The following EEA1 variants were observed in gnomAD, a reference collection of about 807,000 sequenced individuals.
The protein encoded by EEA1 is early endosome antigen 1, 162kD.
Under a neutral mutation model 209.2 loss-of-function variants are expected in EEA1, and 111 were observed. The ratio of observed to expected loss-of-function variants is 0.53; its 90% CI spans 0.45 to 0.62. The LOEUF is 0.62. Among genes scored for constraint, EEA1 ranks in the 20% least tolerant of loss-of-function variants. The pLI, the probability that EEA1 is intolerant of heterozygous loss-of-function variation, is 0.00. For missense variants in EEA1, 1,343 were observed against 1,530.8 expected (o/e 0.88, Z 2.05); for synonymous variants, 536 against 540.6 (o/e 0.99, Z 0.12).
intron 21 of EEA1, among the ~76,000 whole-genome samples, chr12:92,789,892 G>C (rs1874318949): frequency 1.3e-5 from 2 of 152,210 alleles, no homozygotes; most frequent in Admixed American, 6.5e-5. Flanking sequence ...ACCTCATATA[G>C]GCAGCTGCCC....
At chr12:92,891,968 A>T (rs1230074292) in intron 1 of EEA1, among the ~76,000 whole-genome samples, 2 of 152,192 alleles carry the variant, frequency 1.3e-5, no homozygotes, top group African/African-American at 4.8e-5. Context: ...TCTTCAAGTC[A>T]CCTTCACAAA....
chr12:92,866,026 G>A (rs1281728613), intron 2 of EEA1, among the ~76,000 whole-genome samples: 1 of 151,618 alleles, frequency 6.6e-6, no homozygotes, highest in Non-Finnish European at 1.5e-5. Context: ...TGGGATTACA[G>A]GCATGAGCCA....
At chr12:92,895,667 A>C (rs1416394032) in intron 1 of EEA1, among the ~76,000 whole-genome samples, 4 of 152,138 alleles carry the variant, frequency 2.6e-5, no homozygotes, top group Non-Finnish European at 2.9e-5. Context: ...AGTAATTTTG[A>C]CTTTCAAGTC....
intron 10 of EEA1, 149 bp downstream of exon 10, chr12:92,842,316 G>A: frequency 2.1e-6 from 1 of 476,828 alleles, no homozygotes; most frequent in Non-Finnish European, 3.7e-6. Context: ...TCTAGAGATT[G>A]GTTTGCACAA....
chr12:92,819,202 A>G lies in EEA1; in HGVS notation c.1728+106T>C. ...TGGCAAAAAATATATAACACTTAAA[A>G]TGTGCTAAAAAGAGCAAGAATGAAG... On this transcript the variant is annotated intron_variant, in intron 14 of 28. Coordinates refer to ENST00000322349, the MANE Select transcript of EEA1 (RefSeq NM_003566.4). 3 of 1,030,460 alleles carry G rather than the reference A, an allele frequency of 2.9e-6. No homozygotes were observed. In the East Asian group the frequency reaches 8.2e-5, roughly 28 times the overall value. 63.8% of individuals were successfully genotyped at this position (1,030,460 alleles called of 1,614,324 possible).
At chr12:92,815,949 G>C (rs914694642) in intron 15 of EEA1, among the ~76,000 whole-genome samples, 6 of 151,488 alleles carry the variant, frequency 4.0e-5, no homozygotes, top group Non-Finnish European at 8.8e-5. Flanking sequence ...CAGAGACAGA[G>C]AGAGAGAGGG....
At position 92,891,719 on chromosome 12, in the gene EEA1, A is replaced by G. The variant is rs1879661144; in HGVS notation, c.27T>C (p.Thr9=). Residue 9 remains threonine, a splice_region_variant and synonymous_variant, in exon 2 of 29, where the codon ACT becomes ACC. Transcript: ENST00000322349. ...AACCTTGAGAGCCAACTCTCCCAGG[A>G]GTCTGGAACACAAACAGTAGGGAGG... MLRRILQR[T]PGRVGSQGSD... The G allele has an allele frequency of 1.2e-6, 2 of 1,607,278 alleles. No individual in the cohort carries two copies. Among genetic ancestry groups the G allele is most frequent in the Non-Finnish European group, 1.7e-6 (2 of 1,177,860 alleles).
chr12:92,869,790 G>GAAAAAAAAAAAAAAAAAAAAAAAA (rs1230847458), intron 2 of EEA1, among the ~76,000 whole-genome samples: 5 of 69,054 alleles, frequency 7.2e-5, no homozygotes, highest in Admixed American at 1.5e-4. Flanking sequence ...AAAAAAAAAG[G>GAAAAAAAAAAAAAAAAAAAAAAAA]AAAGCCCTTA....
At chr12:92,881,329 A>T (rs745363840) in intron 2 of EEA1, among the ~76,000 whole-genome samples, 8 of 152,150 alleles carry the variant, frequency 5.3e-5, no homozygotes, top group Non-Finnish European at 1.2e-4. Context: ...CAGTGGTAGG[A>T]AGATCACTTG....
intron 18 of EEA1, among the ~76,000 whole-genome samples, chr12:92,804,022 T>C (rs1279600405): frequency 6.6e-6 from 1 of 151,792 alleles, no homozygotes; most frequent in Non-Finnish European, 1.5e-5. Flanking sequence ...AATAAACAAG[T>C]CCACAATCAT....
chr12:92,797,351 G>C (rs1684653260), intron 21 of EEA1, among the ~76,000 whole-genome samples: 1 of 152,108 alleles, frequency 6.6e-6, no homozygotes, highest in Non-Finnish European at 1.5e-5. Context: ...GCCTCCCAAA[G>C]TGCTGGGATT....
At chr12:92,851,852 C>T (rs1035421823) in intron 8 of EEA1, among the ~76,000 whole-genome samples, 5 of 151,910 alleles carry the variant, frequency 3.3e-5, no homozygotes, top group African/African-American at 4.8e-5. Context: ...ACACAAAGTA[C>T]CCTAAAAGCA....
chr12:92,860,883 T>TA (rs1294239273), intron 3 of EEA1, among the ~76,000 whole-genome samples: 3,269 of 138,834 alleles, frequency 0.024, 125 homozygotes, highest in African/African-American at 0.078. Context: ...GGTTCTACCT[T>TA]AAAAAAAAAA....
intron 10 of EEA1, among the ~76,000 whole-genome samples, chr12:92,836,474 C>T (rs562087768): frequency 6.6e-6 from 1 of 152,212 alleles, no homozygotes; most frequent in East Asian, 1.9e-4. Context: ...AAAAAGAGTG[C>T]CATGTTTTAA....
intron 2 of EEA1, among the ~76,000 whole-genome samples, chr12:92,884,960 A>ATTT (rs3064991): frequency 0.1 from 14,673 of 144,662 alleles, 923 homozygotes; most frequent in South Asian, 0.2. Context: ...TTCAATGTAG[A>ATTT]TTTTTTTTTT....
At chr12:92,793,038 G>C (rs1254340534) in intron 21 of EEA1, among the ~76,000 whole-genome samples, 1 of 151,852 alleles carries the variant, frequency 6.6e-6, no homozygotes, top group Non-Finnish European at 1.5e-5. Flanking sequence ...AAACCACATG[G>C]TATCTCAATA....
At chr12:92,897,018 A>C (rs992167433) in intron 1 of EEA1, among the ~76,000 whole-genome samples, 2 of 152,082 alleles carry the variant, frequency 1.3e-5, no homozygotes, top group Non-Finnish European at 2.9e-5. Flanking sequence ...CTACCAAAAA[A>C]ATACAAAAAT....
intron 2 of EEA1, among the ~76,000 whole-genome samples, chr12:92,872,626 T>A (rs114224422): frequency 0.019 from 2,830 of 152,292 alleles, 96 homozygotes; most frequent in African/African-American, 0.063. Flanking sequence ...TATACTGATG[T>A]ATGTATGGCT....
chr12:92,897,032 C>T (rs1347920542), intron 1 of EEA1, among the ~76,000 whole-genome samples: 1 of 152,078 alleles, frequency 6.6e-6, no homozygotes, highest in Non-Finnish European at 1.5e-5. Context: ...CAAAAATCAG[C>T]AAGGCGTGGT....
Sources: allele counts gnomAD v4.1 joint callset (sites outside exome capture counted in the v4.1 genomes callset), GRCh38; gene constraint gnomAD v4.1.1; transcripts MANE v1.5; gene names NCBI Gene and HGNC (gene_info 2026-07-23, HGNC 2026-07-21).